TLCD4: variants seen among roughly 807,000 people sequenced by gnomAD.
TLCD4 encodes TLC domain-containing protein 4.
A neutral mutation model predicts 24.2 loss-of-function variants in TLCD4; 7 were observed. The observed-to-expected ratio is 0.29, with a 90% confidence interval of 0.16 to 0.54. TLCD4 has a LOEUF of 0.54. TLCD4 is among the 20% of genes least tolerant of loss of function. TLCD4 has a pLI of 0.95. For synonymous variants in TLCD4, 103 were observed against 106.4 expected (o/e 0.97, Z 0.20); for missense variants, 259 against 313.9 (o/e 0.82, Z 1.32).
chr1:95,096,955 A>T, the TLCD4 span, among the ~76,000 whole-genome samples: 4 of 152,304 alleles, frequency 2.6e-5, no homozygotes, highest in South Asian at 2.1e-4. Flanking sequence ...TACACATTTT[A>T]AAAAAGTATT....
the TLCD4 span, among the ~76,000 whole-genome samples, chr1:95,107,531 T>G: frequency 6.6e-6 from 1 of 152,182 alleles, no homozygotes; most frequent in African/African-American, 2.4e-5. Context: ...TATGATTCTT[T>G]TGGAATTGAA....
intron 1 of TLCD4, among the ~76,000 whole-genome samples, chr1:95,136,045 T>TA (rs1557680770): frequency 6.6e-6 from 1 of 152,006 alleles, no homozygotes; most frequent in Non-Finnish European, 1.5e-5. Flanking sequence ...TCAAGTTTTT[T>TA]TTTTTTATTT....
chr1:95,124,174 T>C (rs1046720495), intron 1 of TLCD4, among the ~76,000 whole-genome samples: 2 of 152,202 alleles, frequency 1.3e-5, no homozygotes, highest in Admixed American at 1.3e-4. Context: ...AAGATGCATA[T>C]GATATGACAA....
At chr1:95,117,341 G>C (rs1177443500), upstream of TLCD4, 2 of 152,246 alleles carry the variant, frequency 1.3e-5, no homozygotes, top group Non-Finnish European at 2.9e-5. Context: ...AGCCCGAGCG[G>C]CCGCGGCCCC....
At chr1:95,105,143 A>G in the TLCD4 span, among the ~76,000 whole-genome samples, 4 of 152,232 alleles carry the variant, frequency 2.6e-5, no homozygotes, top group South Asian at 6.2e-4. Flanking sequence ...AGGAGAGAGT[A>G]TAATTGTACC....
chr1:95,166,103 G>A (rs1027771336), intron 5 of TLCD4, among the ~76,000 whole-genome samples: 9 of 152,184 alleles, frequency 5.9e-5, no homozygotes, highest in Admixed American at 2.0e-4. Context: ...ATCTGAGAGA[G>A]CAGTATAGTT....
At chr1:95,102,420 A>C in the TLCD4 span, among the ~76,000 whole-genome samples, 3 of 152,176 alleles carry the variant, frequency 2.0e-5, no homozygotes, top group Non-Finnish European at 4.4e-5. Flanking sequence ...AGAGCTGAGC[A>C]AGAGGGAGGA....
intron 1 of TLCD4, among the ~76,000 whole-genome samples, chr1:95,128,333 G>A (rs556341287): frequency 6.6e-6 from 1 of 152,166 alleles, no homozygotes; most frequent in Admixed American, 6.5e-5. Context: ...AGGAATAAAT[G>A]TAAATGAAAT....
At chr1:95,190,669 G>A (rs1347331074) in intron 6 of TLCD4, among the ~76,000 whole-genome samples, 2 of 151,614 alleles carry the variant, frequency 1.3e-5, no homozygotes, top group Non-Finnish European at 2.9e-5. Flanking sequence ...TGATCCACCT[G>A]CCTCAGCCTC....
intron 3 of TLCD4, 149 bp downstream of exon 3, chr1:95,148,940 A>C (rs1557684768): frequency 1.8e-6 from 2 of 1,140,324 alleles, no homozygotes; most frequent in South Asian, 4.2e-5. Flanking sequence ...AGCAAAGTGC[A>C]TTTAAATGAT....
At chr1:95,135,762 G>T (rs898124291) in intron 1 of TLCD4, among the ~76,000 whole-genome samples, 13 of 151,798 alleles carry the variant, frequency 8.6e-5, no homozygotes, top group Admixed American at 2.6e-4. Context: ...TTGAGACAGG[G>T]TCTCATTCTG....
chr1:95,098,920 G>A, the TLCD4 span, among the ~76,000 whole-genome samples: 1 of 151,800 alleles, frequency 6.6e-6, no homozygotes, highest in South Asian at 2.1e-4. Context: ...AATTAGCCGG[G>A]TGTGGTGGCG....
the TLCD4 span, among the ~76,000 whole-genome samples, chr1:95,108,006 A>T: frequency 6.6e-6 from 1 of 152,148 alleles, no homozygotes; most frequent in East Asian, 1.9e-4. Flanking sequence ...GGTTGGTTTT[A>T]ATTTGCATAT....
intron 1 of TLCD4, among the ~76,000 whole-genome samples, chr1:95,126,645 A>T (rs1676743994): frequency 6.6e-6 from 1 of 152,154 alleles, no homozygotes; most frequent in Admixed American, 6.5e-5. Context: ...GGGCTGAAGG[A>T]TCCAAGATGG....
chr1:95,123,140 A>G (rs762388175), intron 1 of TLCD4, among the ~76,000 whole-genome samples: 3 of 152,234 alleles, frequency 2.0e-5, no homozygotes, highest in Non-Finnish European at 4.4e-5. Flanking sequence ...AGTCTTGCTC[A>G]ATTAACATGT....
intron 1 of TLCD4, among the ~76,000 whole-genome samples, chr1:95,120,537 T>TA (rs1225472361): frequency 6.6e-6 from 1 of 152,176 alleles, no homozygotes; most frequent in Non-Finnish European, 1.5e-5. Flanking sequence ...AATGGATATA[T>TA]AAGAAGGAGC....
At chr1:95,146,131 ATGAGT>A (rs1285005850) in intron 2 of TLCD4, among the ~76,000 whole-genome samples, 2 of 151,992 alleles carry the variant, frequency 1.3e-5, no homozygotes, top group Non-Finnish European at 1.5e-5. Context: ...GTCTCTAAAC[ATGAGT>A]TGAGAGTGGT....
chr1:95,120,024 G>A (rs191470401), intron 1 of TLCD4: 1 of 152,344 alleles, frequency 6.6e-6, no homozygotes, highest in Admixed American at 6.5e-5. Context: ...CCAGACTGGG[G>A]GTGGAGTTGT....
intron 1 of TLCD4, chr1:95,125,529 A>C (rs943171426): frequency 1.4e-4 from 21 of 152,220 alleles, no homozygotes; most frequent in African/African-American, 4.8e-4. Context: ...AGTCAAGAGG[A>C]GGAGGGAAAG....
Sources: gnomAD v4.1 joint callset for allele counts (sites outside exome capture counted in the v4.1 genomes callset) on GRCh38, gnomAD v4.1.1 for gene constraint, MANE v1.5 for transcripts, NCBI Gene and HGNC (gene_info 2026-07-23, HGNC 2026-07-21) for gene names.